GFRA1: variants seen among roughly 807,000 people sequenced by gnomAD.
The protein encoded by GFRA1 is GDNF family receptor alpha-1.
GFRA1 carries 16 observed loss-of-function variants against 51.6 expected under a neutral mutation model. That is an observed-to-expected ratio of 0.31 (90% confidence interval 0.21 to 0.47). The LOEUF (loss-of-function observed/expected upper bound fraction) is 0.47, where lower values mean the gene tolerates loss of function less well. GFRA1 is among the 20% of genes least tolerant of loss of function. The pLI is 1.00. For synonymous variants in GFRA1, 270 were observed against 241.3 expected (o/e 1.12, Z -1.10); for missense variants, 530 against 594.3 (o/e 0.89, Z 1.13).
At chr10:116,121,040 A>G (rs1192007758) in intron 6 of GFRA1, among the ~76,000 whole-genome samples, 1 of 152,204 alleles carries the variant, frequency 6.6e-6, no homozygotes, top group African/African-American at 2.4e-5. Context: ...AGCATGCCCA[A>G]GGGGAAGGTG....
chr10:116,123,420 A>G (rs1282399374), intron 6 of GFRA1, among the ~76,000 whole-genome samples: 1 of 152,220 alleles, frequency 6.6e-6, no homozygotes, highest in East Asian at 1.9e-4. Context: ...AAAGGAGGAG[A>G]AACATTACTC....
rs1168417174 is a variant in GFRA1, at chr10:116,117,597, A to ATGGG, written c.770+7620_770+7623dup. On this transcript the variant is annotated intron_variant, in intron 6 of 10. Coordinates refer to ENST00000355422, the MANE Select transcript of GFRA1 (RefSeq NM_005264.8). ...GATGGATGGATGGATGGATGGATGG[A>ATGGG]TGGGTGGATGGGTGGATGGATAGAT... 1.6e-3 allele frequency among the ~76,000 whole-genome samples: 182 copies of ATGGG among 112,344 alleles called. 1 individual carries two copies. Among genetic ancestry groups the ATGGG allele is most frequent in the East Asian group, 0.016 (60 of 3,726 alleles). The allele number at this position is 112,344 out of a possible 152,430, so 73.7% of individuals were successfully genotyped here.
chr10:116,090,729 G>GT (rs370976039), intron 8 of GFRA1, among the ~76,000 whole-genome samples: 8,848 of 151,192 alleles, frequency 0.059, 750 homozygotes, highest in African/African-American at 0.19. Flanking sequence ...TGGATTTAGG[G>GT]TTTTTTTTTA....
intron 6 of GFRA1, among the ~76,000 whole-genome samples, chr10:116,110,078 G>A (rs1957148019): frequency 6.6e-6 from 1 of 152,214 alleles, no homozygotes; most frequent in South Asian, 2.1e-4. Flanking sequence ...ACAGCCCTGA[G>A]AGGCAGGGAT....
rs376600664 is a variant in GFRA1, at chr10:116,064,436, C to T, written c.1360G>A (p.Ala454Thr). ...GTTAAAGATAATAGGGTGGACAGAG[C>T]GGTTACCACCAGGACCAGCAGTGGG... ...LSPLLVLVVTALSTLLSLTET... is the reference protein window; with the variant it reads ...LSPLLVLVVTTLSTLLSLTET... Residue 454 changes from alanine (A) to threonine (T), a missense_variant, in exon 11 of 11, where the codon GCT becomes ACT. Ala to Thr is a moderately conservative substitution (Grantham distance 58). Transcript: ENST00000355422. 3.1e-5 allele frequency: 50 copies of T among 1,612,540 alleles called. No individual in the cohort carries two copies. Among genetic ancestry groups the T allele is most frequent in the African/African-American group, 4.0e-5 (3 of 74,746 alleles).
chr10:116,108,177 A>G (rs1957073712), intron 6 of GFRA1, among the ~76,000 whole-genome samples: 2 of 152,210 alleles, frequency 1.3e-5, no homozygotes, highest in Admixed American at 6.5e-5. Context: ...ATAGGCTTGC[A>G]GACTTCCTAA....
intron 4 of GFRA1, among the ~76,000 whole-genome samples, chr10:116,231,295 C>T (rs977366532): frequency 6.6e-6 from 1 of 152,098 alleles, no homozygotes. Context: ...TAGGCTGGCT[C>T]TGTGTCATGA....
intron 5 of GFRA1, among the ~76,000 whole-genome samples, chr10:116,128,420 G>C (rs962392539): frequency 6.6e-6 from 1 of 152,044 alleles, no homozygotes; most frequent in African/African-American, 2.4e-5. Context: ...TTATACACAG[G>C]CTTAAAAAAA....
intron 5 of GFRA1, among the ~76,000 whole-genome samples, chr10:116,171,573 T>C (rs1473431241): frequency 6.6e-6 from 1 of 152,236 alleles, no homozygotes; most frequent in Non-Finnish European, 1.5e-5. Flanking sequence ...TTCTCTCTGG[T>C]TTATTAAAGT....
chr10:116,096,974 C>G (rs1353148838), intron 6 of GFRA1, among the ~76,000 whole-genome samples: 2 of 152,086 alleles, frequency 1.3e-5, no homozygotes, highest in Non-Finnish European at 2.9e-5. Context: ...CCCTCATGTC[C>G]CTTTCCCCAG....
At chr10:116,091,095 A>C (rs1186529348) in intron 8 of GFRA1, among the ~76,000 whole-genome samples, 1 of 152,190 alleles carries the variant, frequency 6.6e-6, no homozygotes, top group African/African-American at 2.4e-5. Flanking sequence ...CACCACTGCT[A>C]CCCTTGCTTT....
intron 5 of GFRA1, among the ~76,000 whole-genome samples, chr10:116,175,247 G>T (rs558059854): frequency 4.4e-4 from 67 of 152,266 alleles, no homozygotes; most frequent in African/African-American, 1.5e-3. Flanking sequence ...AATAGTGTCT[G>T]TTCTGTGCCT....
chr10:116,180,512 T>A (rs1486606762), intron 5 of GFRA1, among the ~76,000 whole-genome samples: 2 of 152,198 alleles, frequency 1.3e-5, no homozygotes, highest in African/African-American at 4.8e-5. Context: ...AATAACAGAA[T>A]GATATGATTA....
At chr10:116,255,507 C>CA (rs59731835) in intron 4 of GFRA1, 58,067 of 601,154 alleles carry the variant, frequency 0.097, 159 homozygotes, top group South Asian at 0.11. Context: ...AAAAAAAAAA[C>CA]AAAAAAAAAA....
chr10:116,083,040 T>G (rs372736687), intron 9 of GFRA1, among the ~76,000 whole-genome samples: 1 of 152,096 alleles, frequency 6.6e-6, no homozygotes, highest in Non-Finnish European at 1.5e-5. Flanking sequence ...CTCAGTGGTG[T>G]TTTACAGCAG....
At chr10:116,165,501 T>A in intron 5 of GFRA1, among the ~76,000 whole-genome samples, 1 of 152,334 alleles carries the variant, frequency 6.6e-6, no homozygotes, top group South Asian at 2.1e-4. Context: ...GCATTTTCCT[T>A]GGTCCCTGAA....
At chr10:116,200,242 G>T (rs911068185) in intron 5 of GFRA1, among the ~76,000 whole-genome samples, 3 of 152,128 alleles carry the variant, frequency 2.0e-5, no homozygotes, top group African/African-American at 4.8e-5. Context: ...TCTCTGGCCC[G>T]ATTATGGCAC....
intron 6 of GFRA1, among the ~76,000 whole-genome samples, chr10:116,119,071 C>T (rs965246569): frequency 1.3e-5 from 2 of 152,142 alleles, no homozygotes; most frequent in Non-Finnish European, 2.9e-5. Flanking sequence ...TCTGAGAGCC[C>T]GAGCTGATAG....
intron 4 of GFRA1, among the ~76,000 whole-genome samples, chr10:116,252,933 C>T (rs1361437498): frequency 6.6e-6 from 1 of 152,222 alleles, no homozygotes; most frequent in Non-Finnish European, 1.5e-5. Context: ...TCCAAATCTA[C>T]ATCCTTTCTG....
Sources: gnomAD v4.1 joint callset for allele counts (sites outside exome capture counted in the v4.1 genomes callset) on GRCh38, gnomAD v4.1.1 for gene constraint, MANE v1.5 for transcripts, NCBI Gene and HGNC (gene_info 2026-07-23, HGNC 2026-07-21) for gene names.